Variants in SAMD4A observed in about 807,000 individuals in gnomAD.
SAMD4A encodes the protein protein Smaug homolog 1.
In SAMD4A, 33 loss-of-function variants were observed where a neutral mutation model predicts 81.3. The observed-to-expected ratio is 0.41, with a 90% CI of 0.31 to 0.54. The LOEUF (loss-of-function observed/expected upper bound fraction) is 0.54. SAMD4A is among the 20% of genes least tolerant of loss of function. SAMD4A has a pLI of 0.37. For synonymous variants in SAMD4A, 389 were observed against 382.1 expected (o/e 1.02, Z -0.21); for missense variants, 854 against 951.1 (o/e 0.90, Z 1.34).
intron 2 of SAMD4A, among the ~76,000 whole-genome samples, chr14:54,663,316 C>T (rs1345700939): frequency 6.6e-6 from 1 of 152,234 alleles, no homozygotes; most frequent in East Asian, 1.9e-4. Context: ...TATTTTTATC[C>T]AAGCCCTATA....
intron 11 of SAMD4A, among the ~76,000 whole-genome samples, chr14:54,782,825 T>C (rs539393355): frequency 4.6e-5 from 7 of 152,230 alleles, no homozygotes; most frequent in African/African-American, 1.7e-4. Context: ...GACTTAACCA[T>C]TGGTTTCAGC....
chr14:54,737,151 C>A lies in SAMD4A; in HGVS notation c.843C>A (p.Pro281=), dbSNP rs141619629. Residue 281 remains proline, a synonymous_variant, in exon 4 of 13, where the codon CCC becomes CCA. Transcript: ENST00000554335. ...ATGAGGACTTACGAGCTAGAGGACCCCAGTGCCTCCCATCCGATCATGCCC... is the reference window on the plus strand; with the variant it reads ...ATGAGGACTTACGAGCTAGAGGACCACAGTGCCTCCCATCCGATCATGCCC... ...MSHEDLRARG[P]QCLPSDHAPL... 7.4e-6 allele frequency: 12 copies of A among 1,614,122 alleles called. No individual in the cohort carries two copies. The East Asian group carries it at 2.7e-4, about 36-fold the overall frequency.
chr14:54,579,533 C>T (rs1320925723), intron 2 of SAMD4A, among the ~76,000 whole-genome samples: 1 of 152,214 alleles, frequency 6.6e-6, no homozygotes, highest in Non-Finnish European at 1.5e-5. Flanking sequence ...TAATAATTCA[C>T]AGTAACATTG....
At chr14:54,722,448 T>G (rs544858894) in intron 3 of SAMD4A, among the ~76,000 whole-genome samples, 119 of 152,352 alleles carry the variant, frequency 7.8e-4, no homozygotes, top group African/African-American at 2.7e-3. Flanking sequence ...TGCATAGCTC[T>G]GGTGTTAAAT....
chr14:54,699,227 G>T (rs1228967327), intron 2 of SAMD4A, among the ~76,000 whole-genome samples: 2 of 152,118 alleles, frequency 1.3e-5, no homozygotes, highest in Non-Finnish European at 2.9e-5. Context: ...AACATGCCTG[G>T]TATTTGCTGA....
Position 54,776,609 on chromosome 14 carries a change from G to A in SAMD4A, c.2044+69G>A, listed in dbSNP as rs540521245. On this transcript the variant is annotated intron_variant, in intron 11 of 12. Coordinates refer to ENST00000554335, the MANE Select transcript of SAMD4A (RefSeq NM_015589.6). Reference sequence around the variant, plus strand: ...CAAAATAGATGCCCTAGCAAACCCAGCCAGAAAGTGCTTAGCCTCGACTGT... The same window carrying A: ...CAAAATAGATGCCCTAGCAAACCCAACCAGAAAGTGCTTAGCCTCGACTGT... 7.0e-6 allele frequency: 10 copies of A among 1,423,840 alleles called. No individual in the cohort carries two copies. The South Asian group carries it at 7.9e-5, about 11-fold the overall frequency. The allele number at this position is 1,423,840 out of a possible 1,614,324, so 88.2% of individuals were successfully genotyped here.
At chr14:54,630,295 G>T (rs1594753110) in intron 2 of SAMD4A, among the ~76,000 whole-genome samples, 1 of 152,166 alleles carries the variant, frequency 6.6e-6, no homozygotes, top group Non-Finnish European at 1.5e-5. Flanking sequence ...ATTCCCACTA[G>T]CAATGCACAA....
At chr14:54,723,990 T>TCGGAAGGAAGGA (rs1228725243) in intron 3 of SAMD4A, among the ~76,000 whole-genome samples, 1 of 88,396 alleles carries the variant, frequency 1.1e-5, no homozygotes, top group East Asian at 3.0e-4. Context: ...TCAGCAAATA[T>TCGGAAGGAAGGA]TGGATGGATG....
chr14:54,773,985 AAAG>A lies in SAMD4A; in HGVS notation c.1716-945_1716-943del, dbSNP rs144780393. ...GCTGAGCAGAAACAATGATAGGATT[AAAG>A]AAGGGAGCCCTGGGACAGGAGTCAG... is the stretch of plus-strand genomic sequence containing the variant. On this transcript the variant is annotated intron_variant, in intron 9 of 12. Coordinates refer to ENST00000554335, the MANE Select transcript of SAMD4A (RefSeq NM_015589.6). 7.3e-3 allele frequency among the ~76,000 whole-genome samples: 1,107 copies of A among 152,372 alleles called. 6 individuals carry two copies. The highest frequency in any genetic ancestry group is 0.025 in the African/African-American group (1,044 of 41,588).
intron 10 of SAMD4A, among the ~76,000 whole-genome samples, chr14:54,776,158 C>CAGAT (rs1324132183): frequency 6.6e-6 from 1 of 152,016 alleles, no homozygotes; most frequent in African/African-American, 2.4e-5. Context: ...AAGAGTTCTG[C>CAGAT]AGATAGGGAA....
intron 2 of SAMD4A, among the ~76,000 whole-genome samples, chr14:54,672,026 T>G (rs980449777): frequency 4.7e-5 from 7 of 150,296 alleles, no homozygotes; most frequent in Admixed American, 1.3e-4. Context: ...TAGTGTTTTT[T>G]TTTTTTTTTT....
chr14:54,629,768 C>T (rs538274399), intron 2 of SAMD4A, among the ~76,000 whole-genome samples: 160 of 152,192 alleles, frequency 1.1e-3, no homozygotes, highest in African/African-American at 3.5e-3. Flanking sequence ...GCCATTACCA[C>T]CATCCATCTT....
chr14:54,643,812 C>T (rs2140393636), intron 2 of SAMD4A, among the ~76,000 whole-genome samples: 1 of 152,310 alleles, frequency 6.6e-6, no homozygotes, highest in East Asian at 1.9e-4. Context: ...TGGAAGACTG[C>T]CTCCAGATTT....
Position 54,725,085 on chromosome 14 carries a change from A to G in SAMD4A, c.716-11939A>G, listed in dbSNP as rs377307614. 9.2e-5 allele frequency among the ~76,000 whole-genome samples: 14 copies of G among 152,330 alleles called. 1 individual carries two copies. The highest frequency in any genetic ancestry group is 5.2e-4 in the Admixed American group (8 of 15,296). ...CACTCCACAAATATCCGATGAATGAATGAATTCATCTGCTCCAACCTCTTG... is the reference window on the plus strand; with the variant it reads ...CACTCCACAAATATCCGATGAATGAGTGAATTCATCTGCTCCAACCTCTTG... On this transcript the variant is annotated intron_variant, in intron 3 of 12. Coordinates refer to ENST00000554335, the MANE Select transcript of SAMD4A (RefSeq NM_015589.6).
intron 8 of SAMD4A, among the ~76,000 whole-genome samples, chr14:54,767,135 T>C (rs900298079): frequency 6.6e-6 from 1 of 152,058 alleles, no homozygotes; most frequent in Non-Finnish European, 1.5e-5. Flanking sequence ...TGATTTTACT[T>C]TGAGAGAGAG....
chr14:54,572,179 T>C (rs1393710888), intron 2 of SAMD4A, among the ~76,000 whole-genome samples: 1 of 152,090 alleles, frequency 6.6e-6, no homozygotes, highest in African/African-American at 2.4e-5. Flanking sequence ...GTGGGGTAAA[T>C]GACTAATATA....
In SAMD4A at chr14:54,568,100, G is replaced by T. The variant is rs1280659138; in HGVS notation, c.184G>T (p.Ala62Ser). 1 of 1,544,640 alleles carries T rather than the reference G, an allele frequency of 6.5e-7. No homozygotes were observed. The highest frequency in any genetic ancestry group is 8.7e-7 in the Non-Finnish European group (1 of 1,154,124). Residue 62 changes from alanine to serine, a missense_variant, in exon 2 of 13, where the codon GCC (alanine) becomes TCC (serine). Ala to Ser is a moderately conservative substitution (Grantham distance 99). This residue lies in a region of SAMD4A where 387 missense variants were observed against 405.8 expected (regional missense o/e 0.95). Transcript: ENST00000554335. ...CGAGCTGCACGTCCTCGAACGCGAGGCCAACAGCCCCGGTAAGTGTGCGGC... is the reference window on the plus strand; with the variant it reads ...CGAGCTGCACGTCCTCGAACGCGAGTCCAACAGCCCCGGTAAGTGTGCGGC... ...CAELHVLERE[A>S]NSPGIINQWQ... is the part of the protein sequence containing the mutation.
intron 2 of SAMD4A, among the ~76,000 whole-genome samples, chr14:54,592,244 G>A (rs914117207): frequency 2.6e-5 from 4 of 152,106 alleles, no homozygotes; most frequent in African/African-American, 7.2e-5. Flanking sequence ...TTATGTTTAA[G>A]TTGTCTCCTC....
intron 3 of SAMD4A, among the ~76,000 whole-genome samples, chr14:54,713,195 C>A (rs1007698091): frequency 6.6e-6 from 1 of 152,066 alleles, no homozygotes; most frequent in Non-Finnish European, 1.5e-5. Context: ...TCTTTGATAT[C>A]TTTAATTTCA....
Sources: allele counts gnomAD v4.1 joint callset (sites outside exome capture counted in the v4.1 genomes callset), GRCh38; gene constraint gnomAD v4.1.1; regional missense constraint gnomAD v4.1.1; transcripts MANE v1.5; gene names NCBI Gene and HGNC (gene_info 2026-07-23, HGNC 2026-07-21).